The following JAZF1 variants were observed in gnomAD, a reference collection of about 807,000 sequenced individuals.
The protein encoded by JAZF1 is JAZF zinc finger 1.
Under a neutral mutation model 26.4 loss-of-function variants are expected in JAZF1, and 8 were observed. That is an observed-to-expected ratio of 0.30 (90% CI 0.18 to 0.55). The LOEUF (loss-of-function observed/expected upper bound fraction) is 0.55. Among genes scored for constraint, JAZF1 ranks in the 20% least tolerant of loss-of-function variants. The pLI, the probability that JAZF1 is intolerant of heterozygous loss-of-function variation, is 0.94. For synonymous variants in JAZF1, 126 were observed against 122.3 expected (o/e 1.03, Z -0.20); for missense variants, 199 against 322.0 (o/e 0.62, Z 2.92).
chr7:27,857,111 G>A (rs917856255), intron 3 of JAZF1, among the ~76,000 whole-genome samples: 3 of 152,226 alleles, frequency 2.0e-5, no homozygotes, highest in African/African-American at 2.4e-5. Flanking sequence ...AGGGGGCGGC[G>A]CTCGTCGGGG....
At chr7:28,078,988 T>A (rs959027967) in intron 1 of JAZF1, among the ~76,000 whole-genome samples, 1 of 151,092 alleles carries the variant, frequency 6.6e-6, no homozygotes, top group African/African-American at 2.4e-5. Flanking sequence ...AAAATGCCCA[T>A]AATTTTTTTT....
At chr7:28,071,490 C>T (rs1399944755) in intron 1 of JAZF1, 2 of 408,462 alleles carry the variant, frequency 4.9e-6, no homozygotes, top group Non-Finnish European at 9.9e-6. Context: ...TTTCCTTCCT[C>T]ATAGAACCAT....
At chr7:27,864,592 C>T (rs182096029) in intron 3 of JAZF1, among the ~76,000 whole-genome samples, 4 of 152,308 alleles carry the variant, frequency 2.6e-5, no homozygotes, top group African/African-American at 7.2e-5. Context: ...ACCTGAGTTC[C>T]CTGCTCTCCC....
chr7:28,003,499 C>T (rs925561871), intron 1 of JAZF1, among the ~76,000 whole-genome samples: 1 of 152,146 alleles, frequency 6.6e-6, no homozygotes, highest in African/African-American at 2.4e-5. Context: ...CCAACAGTAA[C>T]CTTTGAAGCT....
intron 3 of JAZF1, among the ~76,000 whole-genome samples, chr7:27,868,845 T>C (rs1783530470): frequency 6.6e-6 from 1 of 152,120 alleles, no homozygotes; most frequent in Non-Finnish European, 1.5e-5. Context: ...AACTAATACA[T>C]GGAGAAGGCT....
chr7:28,116,434 T>C (rs1455604421), intron 1 of JAZF1, among the ~76,000 whole-genome samples: 1 of 152,180 alleles, frequency 6.6e-6, no homozygotes, highest in South Asian at 2.1e-4. Context: ...TTGAAAACAA[T>C]GTATTTCTTT....
At chr7:28,172,241 T>C (rs574838288) in intron 1 of JAZF1, among the ~76,000 whole-genome samples, 1 of 152,350 alleles carries the variant, frequency 6.6e-6, no homozygotes, top group Non-Finnish European at 1.5e-5. Flanking sequence ...TTCCTAATTA[T>C]TGACAATTCA....
At chr7:27,988,273 T>G (rs1393052591) in intron 2 of JAZF1, among the ~76,000 whole-genome samples, 1 of 152,190 alleles carries the variant, frequency 6.6e-6, no homozygotes, top group Non-Finnish European at 1.5e-5. Flanking sequence ...GTTGGATATT[T>G]AGGTTAGGTC....
intron 1 of JAZF1, among the ~76,000 whole-genome samples, chr7:28,151,616 C>T (rs1355232610): frequency 6.6e-6 from 1 of 151,616 alleles, no homozygotes; most frequent in African/African-American, 2.4e-5. Flanking sequence ...GCCTGACCAA[C>T]ATGGTGAAAC....
chr7:28,110,970 T>C (rs535737018), intron 1 of JAZF1, among the ~76,000 whole-genome samples: 1 of 152,244 alleles, frequency 6.6e-6, no homozygotes, highest in East Asian at 1.9e-4. Flanking sequence ...AATTAAAAAC[T>C]AGGGTGGGGG....
At chr7:28,088,580 ATGAAGTGTAG>A (rs1784244539) in intron 1 of JAZF1, among the ~76,000 whole-genome samples, 1 of 152,196 alleles carries the variant, frequency 6.6e-6, no homozygotes, top group Non-Finnish European at 1.5e-5. Flanking sequence ...GATGTGTGTG[ATGAAGTGTAG>A]CTAGGTTTGT....
At chr7:28,050,605 A>G (rs1000630692) in intron 1 of JAZF1, among the ~76,000 whole-genome samples, 2 of 152,210 alleles carry the variant, frequency 1.3e-5, no homozygotes, top group African/African-American at 2.4e-5. Flanking sequence ...AATTTAGACT[A>G]TGCATGGTGT....
At chr7:27,893,518 G>A (rs949641303) in intron 3 of JAZF1, among the ~76,000 whole-genome samples, 3 of 152,102 alleles carry the variant, frequency 2.0e-5, no homozygotes, top group African/African-American at 7.2e-5. Flanking sequence ...CCCCTCCATG[G>A]AGCCTTTGCA....
In JAZF1 at chr7:28,039,915, C is replaced by G. The variant is rs546435972; in HGVS notation, c.116-47934G>C. Among the ~76,000 whole-genome samples, 8 of 152,240 alleles carry G rather than the reference C, an allele frequency of 5.3e-5. No individual in the cohort carries two copies. In the East Asian group the frequency reaches 1.5e-3, roughly 29 times the overall value. On this transcript the variant is annotated intron_variant, in intron 1 of 4. Transcript: ENST00000283928. ...GTCAGGCCTAAAGCATTAATTTATT[C>G]TGAAACATTAATTAACTGGAGCTTT...
At chr7:28,109,776 T>C (rs1228088038) in intron 1 of JAZF1, among the ~76,000 whole-genome samples, 1 of 152,184 alleles carries the variant, frequency 6.6e-6, no homozygotes, top group Non-Finnish European at 1.5e-5. Flanking sequence ...GTATTAGCCA[T>C]GAGAGACTGC....
chr7:28,077,787 T>C (rs1367153235), intron 1 of JAZF1, among the ~76,000 whole-genome samples: 1 of 152,212 alleles, frequency 6.6e-6, no homozygotes, highest in Admixed American at 6.5e-5. Context: ...TTCTGCTCTC[T>C]CCTTTGAAAC....
At chr7:27,936,637 C>A (rs1007063959) in intron 2 of JAZF1, among the ~76,000 whole-genome samples, 3 of 152,216 alleles carry the variant, frequency 2.0e-5, no homozygotes, top group Non-Finnish European at 2.9e-5. Flanking sequence ...TGAAAGAGTA[C>A]ATAAGCTTTC....
intron 1 of JAZF1, among the ~76,000 whole-genome samples, chr7:28,164,658 C>T (rs182597574): frequency 1.3e-5 from 2 of 152,260 alleles, no homozygotes; most frequent in East Asian, 3.9e-4. Context: ...GAAATAGTAT[C>T]TTCAGAGGTG....
At position 27,833,090 on chromosome 7, in the gene JAZF1, A is replaced by G. The variant is rs550150970; in HGVS notation, c.556-114T>C. On this transcript the variant is annotated intron_variant, in intron 4 of 4. Transcript: ENST00000283928. ...CCTGGATGGCAGCTGTTTAGAGTGT[A>G]GTCTTTTGCAAGGACTCCAGTTGGG... is the stretch of plus-strand genomic sequence containing the variant. 26 of 767,092 alleles carry G rather than the reference A, an allele frequency of 3.4e-5. No homozygotes were observed. The African/African-American group carries it at 4.4e-4, about 13-fold the overall frequency. The allele number at this position is 767,092 out of a possible 1,614,324, so 47.5% of individuals were successfully genotyped here. A position where few individuals can be genotyped will look rare whatever the true frequency, so the allele number is the denominator to read the frequency against.
Sources: allele counts gnomAD v4.1 joint callset (sites outside exome capture counted in the v4.1 genomes callset), GRCh38; gene constraint gnomAD v4.1.1; transcripts MANE v1.5; gene names NCBI Gene and HGNC (gene_info 2026-07-23, HGNC 2026-07-21).